The following XYLT1 variants were observed in gnomAD, a reference collection of about 807,000 sequenced individuals.
XYLT1 encodes the protein xylosyltransferase 1.
Under a neutral mutation model 91.3 loss-of-function variants are expected in XYLT1, and 36 were observed. That is an observed-to-expected ratio of 0.39 (90% CI 0.30 to 0.52). The LOEUF (loss-of-function observed/expected upper bound fraction) is 0.52, where lower values mean the gene tolerates loss of function less well. XYLT1 is among the 20% of genes least tolerant of loss of function. The pLI is 0.68. For synonymous variants in XYLT1, 588 were observed against 532.0 expected, an observed-to-expected ratio of 1.11 and a Z score of -1.45; for missense variants, 1,242 against 1,284.5, an observed-to-expected ratio of 0.97 and a Z score of 0.51.
intron 1 of XYLT1, among the ~76,000 whole-genome samples, chr16:17,428,737 G>A (rs1440871109): frequency 2.0e-5 from 3 of 152,122 alleles, no homozygotes; most frequent in African/African-American, 7.2e-5. Context: ...TTTTCCACTG[G>A]GTTCACCAAA....
intron 3 of XYLT1, among the ~76,000 whole-genome samples, chr16:17,230,909 G>A (rs1006025603): frequency 6.6e-6 from 1 of 152,238 alleles, no homozygotes; most frequent in Non-Finnish European, 1.5e-5. Context: ...CTAGTAAGTC[G>A]AGGCCAAAGG....
chr16:17,444,142 G>A (rs1377365266), intron 1 of XYLT1, among the ~76,000 whole-genome samples: 2 of 152,084 alleles, frequency 1.3e-5, no homozygotes, highest in Admixed American at 6.5e-5. Flanking sequence ...TCATGTTTAG[G>A]TGTAAGTGCG....
chr16:17,260,300 C>A (rs549417046), intron 2 of XYLT1, among the ~76,000 whole-genome samples: 1 of 152,126 alleles, frequency 6.6e-6, no homozygotes. Context: ...TTTGATCAGT[C>A]GAATGATCAA....
chr16:17,385,666 A>G (rs1364409012), intron 1 of XYLT1, among the ~76,000 whole-genome samples: 1 of 151,894 alleles, frequency 6.6e-6, no homozygotes, highest in Non-Finnish European at 1.5e-5. Context: ...GTAGTGAAAT[A>G]GATCTCTTTT....
At chr16:17,267,908 C>CACTTA (rs10624919) in intron 2 of XYLT1, among the ~76,000 whole-genome samples, 80,221 of 151,424 alleles carry the variant, frequency 0.53, 22,351 homozygotes, top group African/African-American at 0.68. Context: ...GAATTTAAAA[C>CACTTA]ACTTAATACC....
chr16:17,272,291 T>C (rs760489862), intron 2 of XYLT1, among the ~76,000 whole-genome samples: 15 of 150,830 alleles, frequency 9.9e-5, no homozygotes, highest in Non-Finnish European at 2.1e-4. Flanking sequence ...GCCTCCCAAG[T>C]AGCTGGGATT....
At chr16:17,446,563 C>T (rs117958802) in intron 1 of XYLT1, among the ~76,000 whole-genome samples, 3,302 of 152,176 alleles carry the variant, frequency 0.022, 57 homozygotes, top group Middle Eastern at 0.037. Flanking sequence ...CTCAACAAGC[C>T]CCAGAGTGTC....
At chr16:17,337,775 C>CTTTTTTTTTT (rs71373106) in intron 2 of XYLT1, among the ~76,000 whole-genome samples, 13 of 114,188 alleles carry the variant, frequency 1.1e-4, no homozygotes, top group African/African-American at 2.1e-4. Context: ...CACATTTTTT[C>CTTTTTTTTTT]TTTTTCTTTT....
At chr16:17,118,453 A>G (rs1177946329) in intron 10 of XYLT1, among the ~76,000 whole-genome samples, 1 of 152,150 alleles carries the variant, frequency 6.6e-6, no homozygotes, top group Non-Finnish European at 1.5e-5. Context: ...TCATGTTTTT[A>G]CAGCTGCTCT....
At chr16:17,138,168 G>GAACATCCCTGAAGTAAGTGCT (rs1555481569) in intron 8 of XYLT1, 187 bp downstream of exon 8, 29 of 642,660 alleles carry the variant, frequency 4.5e-5, no homozygotes, top group Non-Finnish European at 7.0e-5. Context: ...AATGTGGTTA[G>GAACATCCCTGAAGTAAGTGCT]AACATCCCTG....
chr16:17,458,164 C>G (rs1469083619), intron 1 of XYLT1, among the ~76,000 whole-genome samples: 9 of 152,152 alleles, frequency 5.9e-5, no homozygotes. Context: ...TTGCTTCTCC[C>G]CTCGCTCATT....
chr16:17,316,673 A>C (rs56211317), intron 2 of XYLT1, among the ~76,000 whole-genome samples: 112 of 152,166 alleles, frequency 7.4e-4, no homozygotes, highest in African/African-American at 2.4e-3. Flanking sequence ...CTGGGATTAC[A>C]GGCGTGAGCC....
rs67480834 is a variant in XYLT1, at chr16:17,300,452, C to CTTTTTTTTTTTTTTTTTTTTTTTTT, written c.403-40955_403-40954insAAAAAAAAAAAAAAAAAAAAAAAAA. Among the ~76,000 whole-genome samples, 20 of 64,834 alleles carry CTTTTTTTTTTTTTTTTTTTTTTTTT rather than the reference C, an allele frequency of 3.1e-4. 2 individuals carry two copies. Among genetic ancestry groups the CTTTTTTTTTTTTTTTTTTTTTTTTT allele is most frequent in the African/African-American group, 9.3e-4 (15 of 16,062 alleles). The allele number at this position is 64,834 out of a possible 152,430, so 42.5% of individuals were successfully genotyped here. On this transcript the variant is annotated intron_variant, in intron 2 of 11. Transcript: ENST00000261381. Reference sequence around the variant, plus strand: ...CAGCTATTTCTTTCTTTCATTCTTTCTTTTTTTTTTTTTTTTTTTTTTGAG... The same window carrying CTTTTTTTTTTTTTTTTTTTTTTTTT: ...CAGCTATTTCTTTCTTTCATTCTTTCTTTTTTTTTTTTTTTTTTTTTTTTTTTTTTTTTTTTTTTTTTTTTTTGAG...
intron 3 of XYLT1, among the ~76,000 whole-genome samples, chr16:17,253,897 G>A (rs1033235982): frequency 2.0e-5 from 3 of 151,594 alleles, no homozygotes; most frequent in African/African-American, 7.3e-5. Flanking sequence ...TCTGGGGCTT[G>A]ACAATGTGAG....
intron 3 of XYLT1, among the ~76,000 whole-genome samples, chr16:17,242,570 C>T (rs1408910895): frequency 6.6e-6 from 1 of 152,086 alleles, no homozygotes; most frequent in East Asian, 1.9e-4. Flanking sequence ...CAATTTAGAG[C>T]AAGATTTAAA....
At chr16:17,292,907 G>A (rs1450488901) in intron 2 of XYLT1, among the ~76,000 whole-genome samples, 1 of 152,110 alleles carries the variant, frequency 6.6e-6, no homozygotes, top group African/African-American at 2.4e-5. Context: ...GAGCACTAAG[G>A]GGGCCACAGT....
chr16:17,174,952 A>G (rs2031907004), intron 5 of XYLT1, among the ~76,000 whole-genome samples: 1 of 152,114 alleles, frequency 6.6e-6, no homozygotes, highest in Non-Finnish European at 1.5e-5. Flanking sequence ...TTGTATTTTT[A>G]GTAGAGACAG....
intron 5 of XYLT1, among the ~76,000 whole-genome samples, chr16:17,170,211 A>G (rs13339586): frequency 0.48 from 73,447 of 152,108 alleles, 19,159 homozygotes; most frequent in African/African-American, 0.66. Flanking sequence ...AAATGCAGAG[A>G]GAAAGGCATG....
At chr16:17,308,015 T>A (rs914091681) in intron 2 of XYLT1, among the ~76,000 whole-genome samples, 1 of 152,222 alleles carries the variant, frequency 6.6e-6, no homozygotes, top group Non-Finnish European at 1.5e-5. Flanking sequence ...CTCCATGATC[T>A]GCAGTGTATG....
Sources: gnomAD v4.1 joint callset for allele counts (sites outside exome capture counted in the v4.1 genomes callset) on GRCh38, gnomAD v4.1.1 for gene constraint, MANE v1.5 for transcripts, NCBI Gene and HGNC (gene_info 2026-07-23, HGNC 2026-07-21) for gene names.